KCNH7: variants seen among roughly 807,000 people sequenced by gnomAD.
The protein encoded by KCNH7 is voltage-gated inwardly rectifying potassium channel KCNH7.
KCNH7 carries 49 observed loss-of-function variants against 120.8 expected under a neutral mutation model. The ratio of observed to expected loss-of-function variants is 0.41; its 90% confidence interval spans 0.32 to 0.51. The LOEUF is 0.51. Among genes scored for constraint, KCNH7 ranks in the 20% least tolerant of loss-of-function variants. KCNH7 has a pLI of 0.38. For synonymous variants in KCNH7, 547 were observed against 516.1 expected (o/e 1.06, Z -0.81); for missense variants, 1,097 against 1,446.6 (o/e 0.76, Z 3.92).
chr2:162,707,530 A>T (rs1686758070), intron 2 of KCNH7, among the ~76,000 whole-genome samples: 1 of 152,140 alleles, frequency 6.6e-6, no homozygotes, highest in Admixed American at 6.6e-5. Context: ...TAATTATGTT[A>T]AAGAAATATT....
chr2:162,460,614 G>A (rs1689116462), intron 6 of KCNH7, among the ~76,000 whole-genome samples: 1 of 152,184 alleles, frequency 6.6e-6, no homozygotes, highest in Non-Finnish European at 1.5e-5. Context: ...AACAACATCA[G>A]AAGCTCAGAG....
intron 2 of KCNH7, among the ~76,000 whole-genome samples, chr2:162,787,653 G>A (rs558548589): frequency 9.8e-5 from 15 of 152,318 alleles, no homozygotes; most frequent in African/African-American, 3.6e-4. Context: ...CATGGATCAA[G>A]GCAGCAGGCC....
intron 2 of KCNH7, among the ~76,000 whole-genome samples, chr2:162,687,815 A>G (rs1383402988): frequency 6.6e-6 from 1 of 152,172 alleles, no homozygotes; most frequent in Non-Finnish European, 1.5e-5. Flanking sequence ...TGTCTAACAA[A>G]AGTACATTCA....
chr2:162,576,460 C>T (rs371889820), intron 2 of KCNH7, among the ~76,000 whole-genome samples: 1 of 152,020 alleles, frequency 6.6e-6, no homozygotes, highest in East Asian at 1.9e-4. Flanking sequence ...GGAATTGGAC[C>T]TATTCCTTAA....
chr2:162,373,731 A>G, intron 14 of KCNH7, 69 bp from the exon 15 acceptor site: 1 of 1,082,098 alleles, frequency 9.2e-7, no homozygotes, highest in South Asian at 2.6e-5. Context: ...ATTTAAAAAA[A>G]TTTCAGCACT....
intron 2 of KCNH7, among the ~76,000 whole-genome samples, chr2:162,542,352 A>T (rs1692337984): frequency 6.7e-6 from 1 of 148,892 alleles, no homozygotes; most frequent in African/African-American, 2.5e-5. Flanking sequence ...TGCACCCATT[A>T]ACTCGTCATT....
rs760610195 is a variant in KCNH7 at position 162,517,939 on chromosome 2, A to C, written c.683T>G (p.Leu228Trp). The change falls in exon 4 of 16, where the codon TTG (leucine) becomes TGG (tryptophan). Residue 228 changes from leucine to tryptophan, a missense_variant. Leu to Trp is a moderately conservative substitution (Grantham distance 61). This residue lies in a region of KCNH7 where 362 missense variants were observed against 372.2 expected (regional missense o/e 0.97). Coordinates refer to ENST00000332142, the MANE Select transcript of KCNH7 (RefSeq NM_033272.4). ...GTCAAGAGGTCCGGATATATTCACC[A>C]AGGGAGAACATTTGCTGGGCTGTAT... Reference protein sequence around the residue: ...ALIQPSKCSPLVNISGPLDHS... With the variant: ...ALIQPSKCSPWVNISGPLDHS... The C allele has an allele frequency of 8.7e-6, 14 of 1,612,226 alleles. No individual in the cohort carries two copies. The highest frequency in any genetic ancestry group is 1.2e-5 in the Non-Finnish European group (14 of 1,178,862).
chr2:162,513,597 G>T (rs1222256898), intron 4 of KCNH7, among the ~76,000 whole-genome samples: 6 of 151,050 alleles, frequency 4.0e-5, no homozygotes, highest in South Asian at 4.2e-4. Context: ...GAATCCTCGT[G>T]CCTGAGCCTC....
intron 10 of KCNH7, among the ~76,000 whole-genome samples, chr2:162,397,586 T>C (rs1319373353): frequency 1.3e-5 from 2 of 151,934 alleles, no homozygotes; most frequent in East Asian, 3.9e-4. Flanking sequence ...AAATCTAGGG[T>C]TATTTCAGTG....
rs371137743 is a variant in KCNH7, at chr2:162,553,532, C to T, written c.308-16452G>A. Among the ~76,000 whole-genome samples, 24 of 152,180 alleles carry T rather than the reference C, an allele frequency of 1.6e-4. No individual in the cohort carries two copies. In the East Asian group the frequency reaches 3.1e-3, roughly 20 times the overall value. On this transcript the variant is annotated intron_variant, in intron 2 of 15. Coordinates refer to ENST00000332142, the MANE Select transcript of KCNH7 (RefSeq NM_033272.4). ...GGTGTGGTGGCGGGCGCCTGTAGTC[C>T]CAGCTACTCGGGAGGCTGAGGCAGG...
At chr2:162,682,692 T>C (rs1183509166) in intron 2 of KCNH7, among the ~76,000 whole-genome samples, 1 of 151,852 alleles carries the variant, frequency 6.6e-6, no homozygotes, top group Non-Finnish European at 1.5e-5. Context: ...CTTTCTGTAA[T>C]TTAAATTTTA....
At chr2:162,562,015 A>C (rs1693087126) in intron 2 of KCNH7, among the ~76,000 whole-genome samples, 1 of 152,080 alleles carries the variant, frequency 6.6e-6, no homozygotes, top group African/African-American at 2.4e-5. Context: ...ATCAATGAGA[A>C]CACATGGACA....
intron 2 of KCNH7, among the ~76,000 whole-genome samples, chr2:162,721,482 G>A (rs1457573882): frequency 6.6e-6 from 1 of 151,988 alleles, no homozygotes; most frequent in Non-Finnish European, 1.5e-5. Flanking sequence ...CAGTCACATT[G>A]CAGTCTATTT....
At position 162,531,897 on chromosome 2, in the gene KCNH7, A is replaced by G. The variant is rs1691937618; in HGVS notation, c.463+5028T>C. Among the ~76,000 whole-genome samples, 2 of 151,960 alleles carry G rather than the reference A, an allele frequency of 1.3e-5. 1 individual carries two copies. The highest frequency in any genetic ancestry group is 4.1e-4 in the South Asian group (2 of 4,830). On this transcript the variant is annotated intron_variant, in intron 3 of 15. Transcript: ENST00000332142. ...GGTATTATACTTAGGTTTACAAAAT[A>G]GGCTTTTGGGACCATGTTTTTCATT...
intron 2 of KCNH7, among the ~76,000 whole-genome samples, chr2:162,752,949 A>AAAAGAAAAG: frequency 9.4e-6 from 1 of 106,746 alleles, no homozygotes; most frequent in Non-Finnish European, 1.7e-5. Flanking sequence ...AAAAGAAAAG[A>AAAAGAAAAG]AAAGAAAAGA....
rs1574160219 is a variant in KCNH7 at position 162,605,948 on chromosome 2, T to C, written c.308-68868A>G. On this transcript the variant is annotated intron_variant, in intron 2 of 15. Transcript: ENST00000332142. ...TAATACAAATAAGATTCAGAATAATTATTTAATATTTACTCCAATATGCCA... is the reference window on the plus strand; with the variant it reads ...TAATACAAATAAGATTCAGAATAATCATTTAATATTTACTCCAATATGCCA... Among the ~76,000 whole-genome samples the C allele has an allele frequency of 3.3e-5, 5 of 152,210 alleles. No individual in the cohort carries two copies. In the East Asian group the frequency reaches 7.7e-4, roughly 23 times the overall value.
At chr2:162,528,227 C>G (rs1403473748) in intron 3 of KCNH7, 1 of 151,796 alleles carries the variant, frequency 6.6e-6, no homozygotes, top group Non-Finnish European at 1.5e-5. Flanking sequence ...ATAAAATGTC[C>G]CTGCCATGAA....
Position 162,518,102 on chromosome 2 carries a change from A to G in KCNH7, c.520T>C (p.Ser174Pro), listed in dbSNP as rs773582013. ...GLRVLTYRKQ[S>P]LPQEDPDVVV... Reference sequence around the variant, plus strand: ...ACATCGGGGTCTTCTTGTGGTAAGGACTGCTTTCTGTAAGTGAGAACTCTC... The same window carrying G: ...ACATCGGGGTCTTCTTGTGGTAAGGGCTGCTTTCTGTAAGTGAGAACTCTC... Residue 174 changes from serine to proline, a missense_variant, in exon 4 of 16, where the codon TCC (serine) becomes CCC (proline). Transcript: ENST00000332142. The G allele has an allele frequency of 2.5e-5, 41 of 1,612,208 alleles. No individual in the cohort carries two copies. Among genetic ancestry groups the G allele is most frequent in the South Asian group, 1.6e-4 (15 of 91,024 alleles).
intron 6 of KCNH7, among the ~76,000 whole-genome samples, chr2:162,482,349 G>C (rs755800989): frequency 3.9e-5 from 6 of 152,310 alleles, no homozygotes; most frequent in Non-Finnish European, 8.8e-5. Flanking sequence ...TGCTGATGAG[G>C]AGTAAGAATA....
Sources: gnomAD v4.1 joint callset for allele counts (sites outside exome capture counted in the v4.1 genomes callset) on GRCh38, gnomAD v4.1.1 for gene constraint, gnomAD v4.1.1 regional missense constraint, MANE v1.5 for transcripts, NCBI Gene and HGNC (gene_info 2026-07-23, HGNC 2026-07-21) for gene names.